The following DLGAP1 variants were observed in gnomAD, a reference collection of about 807,000 sequenced individuals.
DLGAP1 encodes disks large-associated protein 1.
A neutral mutation model predicts 90.8 loss-of-function variants in DLGAP1; 11 were observed. The ratio of observed to expected loss-of-function variants is 0.12; its 90% CI spans 0.08 to 0.20. DLGAP1 has a LOEUF of 0.20. Ranked by LOEUF, DLGAP1 falls within the 10% of genes least tolerant of loss-of-function variation. DLGAP1 has a pLI of 1.00. For synonymous variants in DLGAP1, 558 were observed against 540.7 expected (o/e 1.03, Z -0.44); for missense variants, 1,050 against 1,333.8 (o/e 0.79, Z 3.31).
intron 4 of DLGAP1, among the ~76,000 whole-genome samples, chr18:3,841,936 TCCTA>T (rs1357261380): frequency 6.6e-6 from 1 of 151,936 alleles, no homozygotes; most frequent in Non-Finnish European, 1.5e-5. Flanking sequence ...AAACAGGCAA[TCCTA>T]CCTAAGATAG....
At chr18:4,006,243 CT>C (rs1237008949) in intron 2 of DLGAP1, among the ~76,000 whole-genome samples, 1 of 152,226 alleles carries the variant, frequency 6.6e-6, no homozygotes, top group Non-Finnish European at 1.5e-5. Context: ...AGCAAAGCCC[CT>C]GCATCCTGTT....
chr18:4,263,481 A>T (rs2079043606), intron 1 of DLGAP1, among the ~76,000 whole-genome samples: 1 of 152,196 alleles, frequency 6.6e-6, no homozygotes, highest in African/African-American at 2.4e-5. Flanking sequence ...TAAAATGCAT[A>T]ATTTAAGAAA....
chr18:3,725,599 T>C (rs955294059), intron 7 of DLGAP1, among the ~76,000 whole-genome samples: 2 of 152,202 alleles, frequency 1.3e-5, no homozygotes, highest in African/African-American at 4.8e-5. Context: ...CCTCCTCTAA[T>C]ATTAATCTAA....
intron 1 of DLGAP1, among the ~76,000 whole-genome samples, chr18:4,397,268 G>A (rs1165797703): frequency 6.6e-6 from 1 of 152,154 alleles, no homozygotes; most frequent in East Asian, 1.9e-4. Context: ...ACTTAACTAT[G>A]TCATTAGAAG....
At chr18:3,877,110 A>G (rs1366051059) in intron 4 of DLGAP1, among the ~76,000 whole-genome samples, 1 of 152,188 alleles carries the variant, frequency 6.6e-6, no homozygotes, top group African/African-American at 2.4e-5. Context: ...ATAAAAATAG[A>G]ATATTATTAC....
chr18:4,291,056 A>C (rs1335862521), intron 1 of DLGAP1, among the ~76,000 whole-genome samples: 3 of 152,194 alleles, frequency 2.0e-5, no homozygotes. Context: ...TCTAGGTTTC[A>C]TTTTCATACA....
At chr18:4,441,664 GA>G (rs1172221286) in intron 1 of DLGAP1, among the ~76,000 whole-genome samples, 1 of 152,108 alleles carries the variant, frequency 6.6e-6, no homozygotes, top group African/African-American at 2.4e-5. Context: ...AAGAATTACG[GA>G]AAAAATAAGA....
intron 3 of DLGAP1, among the ~76,000 whole-genome samples, chr18:3,952,518 C>A (rs1018836678): frequency 6.6e-6 from 1 of 152,206 alleles, no homozygotes; most frequent in Non-Finnish European, 1.5e-5. Flanking sequence ...CTTGGGTGAA[C>A]TGGTTGATCA....
chr18:3,977,434 G>GTGTTTTTTTTTTTTTTT (rs1555718019), intron 3 of DLGAP1, among the ~76,000 whole-genome samples: 4 of 95,332 alleles, frequency 4.2e-5, no homozygotes, highest in African/African-American at 1.7e-4. Flanking sequence ...TTTATTCTGT[G>GTGTTTTTTTTTTTTTTT]TTTTTTTTTT....
At chr18:3,960,471 G>A (rs886138585) in intron 3 of DLGAP1, among the ~76,000 whole-genome samples, 10 of 152,076 alleles carry the variant, frequency 6.6e-5, no homozygotes, top group African/African-American at 2.4e-4. Context: ...TGGGGAAGAG[G>A]GGGTTGATGG....
intron 3 of DLGAP1, among the ~76,000 whole-genome samples, chr18:3,897,299 A>G (rs980956484): frequency 6.6e-6 from 1 of 152,232 alleles, no homozygotes; most frequent in Admixed American, 6.5e-5. Flanking sequence ...CAAGACCTGT[A>G]GATACAATGT....
chr18:3,816,880 C>A (rs988448409), intron 4 of DLGAP1, among the ~76,000 whole-genome samples: 1 of 152,246 alleles, frequency 6.6e-6, no homozygotes, highest in East Asian at 1.9e-4. Flanking sequence ...CCTTTGTGCT[C>A]ATCACATTTG....
intron 7 of DLGAP1, among the ~76,000 whole-genome samples, chr18:3,611,410 C>T (rs1461789383): frequency 1.3e-5 from 2 of 152,100 alleles, no homozygotes; most frequent in Non-Finnish European, 2.9e-5. Context: ...CAACCCAGTC[C>T]TGACCGGCTC....
intron 3 of DLGAP1, among the ~76,000 whole-genome samples, chr18:3,942,962 C>T (rs1382605635): frequency 6.8e-6 from 1 of 147,118 alleles, no homozygotes; most frequent in Non-Finnish European, 1.5e-5. Flanking sequence ...GAACCAGCAA[C>T]ATTTTTGTTT....
intron 2 of DLGAP1, among the ~76,000 whole-genome samples, chr18:4,059,102 C>A (rs1035262419): frequency 1.3e-5 from 2 of 152,086 alleles, no homozygotes; most frequent in Non-Finnish European, 2.9e-5. Context: ...TTCAAAACCC[C>A]AAGGATGAAT....
intron 7 of DLGAP1, among the ~76,000 whole-genome samples, chr18:3,600,455 C>T (rs1042976378): frequency 1.3e-5 from 2 of 151,840 alleles, no homozygotes; most frequent in Admixed American, 6.6e-5. Flanking sequence ...AGGCTGGTCT[C>T]GAACCCCGGA....
intron 10 of DLGAP1, among the ~76,000 whole-genome samples, chr18:3,522,053 T>G (rs1161939162): frequency 6.6e-6 from 1 of 152,008 alleles, no homozygotes; most frequent in Admixed American, 6.6e-5. Flanking sequence ...TAAGTTGAGT[T>G]GTGTTTGTGG....
chr18:3,542,847 G>A (rs902762647), intron 9 of DLGAP1, among the ~76,000 whole-genome samples: 1 of 152,210 alleles, frequency 6.6e-6, no homozygotes, highest in African/African-American at 2.4e-5. Context: ...GCCAGAACCT[G>A]TACCACACAC....
intron 7 of DLGAP1, among the ~76,000 whole-genome samples, chr18:3,641,626 A>G (rs2058949425): frequency 3.4e-5 from 5 of 149,064 alleles, no homozygotes; most frequent in Admixed American, 3.3e-4. Context: ...CACACACAGT[A>G]TATAATACTG....
Sources: allele counts gnomAD v4.1 joint callset (sites outside exome capture counted in the v4.1 genomes callset), GRCh38; gene constraint gnomAD v4.1.1; transcripts MANE v1.5; gene names NCBI Gene and HGNC (gene_info 2026-07-23, HGNC 2026-07-21).